The following EFCAB6 variants were observed in gnomAD, a reference collection of about 807,000 sequenced individuals.
EFCAB6 encodes EF-hand calcium binding domain 6, also known as EF-hand calcium-binding domain-containing protein 6.
In EFCAB6, 156 loss-of-function variants were observed where a neutral mutation model predicts 169.8. The ratio of observed to expected loss-of-function variants is 0.92; its 90% CI spans 0.81 to 1.05. The LOEUF (loss-of-function observed/expected upper bound fraction) is 1.05. Among genes scored for constraint, EFCAB6 ranks in the 50% least tolerant of loss-of-function variants. The pLI, the probability that EFCAB6 is intolerant of heterozygous loss-of-function variation, is 0.00. For synonymous variants in EFCAB6, 698 were observed against 676.4 expected (o/e 1.03, Z -0.50); for missense variants, 1,800 against 1,829.1 (o/e 0.98, Z 0.29).
chr22:43,793,559 A>G (rs2062388656), intron 2 of EFCAB6, among the ~76,000 whole-genome samples: 1 of 127,278 alleles, frequency 7.9e-6, no homozygotes. Flanking sequence ...GTCACTCACC[A>G]TTTAACTCAG....
In EFCAB6 at chr22:43,635,249, G is replaced by A. The variant is rs540280597; in HGVS notation, c.1984-33C>T. 7.8e-6 allele frequency: 12 copies of A among 1,531,722 alleles called. No individual in the cohort carries two copies. The South Asian group carries it at 1.1e-4, about 14-fold the overall frequency. 94.9% of individuals were successfully genotyped at this position (1,531,722 alleles called of 1,614,324 possible). ...GGGAGACAGGGGAGGGTGGAGAGGC[G>A]TTAGGTGGTCCGCGGGTCACTACTC... is the stretch of plus-strand genomic sequence containing the variant. On this transcript the variant is annotated intron_variant, in intron 17 of 31. Transcript: ENST00000262726.
At chr22:43,612,983 A>ATTAG (rs963038039) in intron 21 of EFCAB6, among the ~76,000 whole-genome samples, 1 of 150,770 alleles carries the variant, frequency 6.6e-6, no homozygotes, top group Non-Finnish European at 1.5e-5. Flanking sequence ...GGGAGTGTAA[A>ATTAG]TTAGTCCAAC....
At position 43,629,734 on chromosome 22, in the gene EFCAB6, G is replaced by A. The variant is rs140465851; in HGVS notation, c.2232+2371C>T. 5.9e-5 allele frequency among the ~76,000 whole-genome samples: 9 copies of A among 152,226 alleles called. No homozygotes were observed. The East Asian group carries it at 1.4e-3, about 23-fold the overall frequency. ...TTGGGGAGGAGTCCACTGGTCAAAG[G>A]GGAGGCGCCATCCAAGCAAAGGAAC... is the stretch of plus-strand genomic sequence containing the variant. On this transcript the variant is annotated intron_variant, in intron 19 of 31. Transcript: ENST00000262726.
intron 19 of EFCAB6, among the ~76,000 whole-genome samples, chr22:43,630,535 G>C (rs1309358832): frequency 6.6e-6 from 1 of 152,214 alleles, no homozygotes; most frequent in African/African-American, 2.4e-5. Flanking sequence ...AGGAAGAGAG[G>C]AGAGAGTCTG....
At chr22:43,569,118 C>G (rs1347081522) in intron 26 of EFCAB6, among the ~76,000 whole-genome samples, 1 of 152,160 alleles carries the variant, frequency 6.6e-6, no homozygotes, top group East Asian at 1.9e-4. Context: ...TACTGGGAAC[C>G]GGGGTTGGAG....
intron 20 of EFCAB6, among the ~76,000 whole-genome samples, chr22:43,617,817 G>A (rs1028794802): frequency 3.3e-5 from 5 of 152,048 alleles, no homozygotes; most frequent in African/African-American, 1.2e-4. Context: ...AAAAACAAGT[G>A]ACTCGGCTGG....
intron 13 of EFCAB6, among the ~76,000 whole-genome samples, chr22:43,674,039 T>C (rs2057614017): frequency 2.0e-5 from 3 of 151,992 alleles, no homozygotes; most frequent in African/African-American, 7.3e-5. Context: ...GAAGTGTGTG[T>C]CCAAACTCAT....
intron 10 of EFCAB6, among the ~76,000 whole-genome samples, chr22:43,696,151 C>T (rs1192879449): frequency 1.3e-5 from 2 of 151,966 alleles, no homozygotes; most frequent in African/African-American, 4.8e-5. Flanking sequence ...ATGATTTGTA[C>T]CATTACTTAA....
intron 18 of EFCAB6, among the ~76,000 whole-genome samples, chr22:43,634,489 C>A (rs1236820872): frequency 6.6e-6 from 1 of 152,150 alleles, no homozygotes; most frequent in Admixed American, 6.5e-5. Context: ...CCCTGCCAGC[C>A]TGCAGGGTAT....
At chr22:43,716,130 T>C (rs1424201795) in intron 9 of EFCAB6, among the ~76,000 whole-genome samples, 1 of 152,258 alleles carries the variant, frequency 6.6e-6, no homozygotes, top group Non-Finnish European at 1.5e-5. Context: ...TCAACATTAA[T>C]ACATGTTTAC....
intron 2 of EFCAB6, among the ~76,000 whole-genome samples, chr22:43,800,519 G>C (rs2062671274): frequency 6.6e-6 from 1 of 152,162 alleles, no homozygotes; most frequent in African/African-American, 2.4e-5. Flanking sequence ...AGTGATATTT[G>C]AGCTGTCTAT....
At chr22:43,790,685 G>A (rs1195835769) in intron 2 of EFCAB6, among the ~76,000 whole-genome samples, 3 of 152,218 alleles carry the variant, frequency 2.0e-5, no homozygotes, top group Admixed American at 1.3e-4. Context: ...GGTTAGTGCA[G>A]AGGAGATGAT....
At chr22:43,805,005 A>G (rs935686346) in intron 2 of EFCAB6, among the ~76,000 whole-genome samples, 1 of 152,258 alleles carries the variant, frequency 6.6e-6, no homozygotes, top group African/African-American at 2.4e-5. Context: ...GTTAGAACTG[A>G]TAAGTTCAGT....
chr22:43,720,601 G>T (rs1252646417), intron 8 of EFCAB6, among the ~76,000 whole-genome samples: 1 of 151,484 alleles, frequency 6.6e-6, no homozygotes, highest in Non-Finnish European at 1.5e-5. Context: ...TGAAATCAAA[G>T]TTATATCATG....
At chr22:43,761,922 C>T (rs2061176605) in intron 5 of EFCAB6, among the ~76,000 whole-genome samples, 1 of 152,170 alleles carries the variant, frequency 6.6e-6, no homozygotes, top group South Asian at 2.1e-4. Flanking sequence ...GGTATTACAT[C>T]TATTGGTTTG....
chr22:43,528,841 C>CA lies in EFCAB6; in HGVS notation c.*11dup, dbSNP rs2046889654. 1.3e-6 allele frequency: 2 copies of CA among 1,597,522 alleles called. No individual in the cohort carries two copies. Among genetic ancestry groups the CA allele is most frequent in the Non-Finnish European group, 1.7e-6 (2 of 1,166,446 alleles). ...TGTGGCTGTCGTCCCGCTGGGCACA[C>CA]AGCAGGGGTGTCTACTGGAGGAATG... On this transcript the variant is annotated 3_prime_UTR_variant, in exon 32 of 32. Coordinates refer to ENST00000262726, the MANE Select transcript of EFCAB6 (RefSeq NM_022785.4).
intron 19 of EFCAB6, 68 bp from the exon 20 acceptor site, chr22:43,626,747 C>T (rs1256108907): frequency 6.8e-7 from 1 of 1,470,668 alleles, no homozygotes; most frequent in African/African-American, 1.4e-5. Context: ...TGCACACCCC[C>T]ACGTGTAGAG....
intron 17 of EFCAB6, among the ~76,000 whole-genome samples, chr22:43,637,359 T>A (rs1569295021): frequency 1.3e-5 from 2 of 152,256 alleles, no homozygotes; most frequent in African/African-American, 4.8e-5. Flanking sequence ...TGTTTTGGTG[T>A]CATCCTTTTT....
chr22:43,636,358 C>T (rs2055395776), intron 17 of EFCAB6, among the ~76,000 whole-genome samples: 1 of 152,158 alleles, frequency 6.6e-6, no homozygotes, highest in South Asian at 2.1e-4. Flanking sequence ...CCAGGTAAGG[C>T]CGTGCTGCAG....
Sources: allele counts gnomAD v4.1 joint callset (sites outside exome capture counted in the v4.1 genomes callset), GRCh38; gene constraint gnomAD v4.1.1; transcripts MANE v1.5; gene names NCBI Gene and HGNC (gene_info 2026-07-23, HGNC 2026-07-21).